The following NCOA1 variants were observed in gnomAD, a reference collection of about 807,000 sequenced individuals.
NCOA1 encodes Hin-2 protein.
Under a neutral mutation model 150.9 loss-of-function variants are expected in NCOA1, and 35 were observed. That is an observed-to-expected ratio of 0.23 (90% CI 0.18 to 0.31). The LOEUF (loss-of-function observed/expected upper bound fraction) is 0.31, where lower values mean the gene tolerates loss of function less well. Ranked by LOEUF, NCOA1 falls within the 10% of genes least tolerant of loss-of-function variation. The probability of loss-of-function intolerance (pLI) is 1.00; values close to 1 mark genes in which losing one functional copy is unlikely to be tolerated. For missense variants in NCOA1, 1,491 were observed against 1,749.3 expected, an observed-to-expected ratio of 0.85 and a Z score of 2.63; for synonymous variants, 590 against 630.0, an observed-to-expected ratio of 0.94 and a Z score of 0.95.
At chr2:24,721,637 A>C (rs925589630) in intron 14 of NCOA1, among the ~76,000 whole-genome samples, 1 of 152,206 alleles carries the variant, frequency 6.6e-6, no homozygotes, top group Non-Finnish European at 1.5e-5. Flanking sequence ...TATGCTCACA[A>C]TTGTAATCCC....
intron 20 of NCOA1, among the ~76,000 whole-genome samples, chr2:24,756,794 A>AT (rs1304793961): frequency 3.3e-5 from 5 of 152,210 alleles, no homozygotes; most frequent in Non-Finnish European, 5.9e-5. Flanking sequence ...GTCAAGTTGA[A>AT]TTCCCATGGA....
intron 2 of NCOA1, among the ~76,000 whole-genome samples, chr2:24,578,319 T>C (rs1457989060): frequency 6.6e-6 from 1 of 151,978 alleles, no homozygotes; most frequent in Non-Finnish European, 1.5e-5. Context: ...CCTTTTTAAA[T>C]TGGAAAAACT....
At chr2:24,542,848 C>T (rs1370128279) in intron 1 of NCOA1, among the ~76,000 whole-genome samples, 2 of 152,108 alleles carry the variant, frequency 1.3e-5, no homozygotes, top group African/African-American at 4.8e-5. Context: ...AATTAGTAAA[C>T]TTGATTTAAC....
intron 1 of NCOA1, among the ~76,000 whole-genome samples, chr2:24,495,659 A>G (rs911546482): frequency 2.0e-5 from 3 of 152,192 alleles, no homozygotes; most frequent in Non-Finnish European, 4.4e-5. Flanking sequence ...GTTTTTCCAG[A>G]GTGATGCTTC....
At chr2:24,698,920 G>T (rs1345461348) in intron 11 of NCOA1, among the ~76,000 whole-genome samples, 1 of 152,012 alleles carries the variant, frequency 6.6e-6, no homozygotes. Context: ...CACAATCCAG[G>T]TATTTCTGGA....
intron 2 of NCOA1, among the ~76,000 whole-genome samples, chr2:24,575,922 T>TA (rs1666935460): frequency 6.6e-6 from 1 of 152,124 alleles, no homozygotes; most frequent in Admixed American, 6.5e-5. Context: ...GGCATGCAGT[T>TA]AAATTTTTTT....
chr2:24,546,258 C>G (rs1399168655), intron 1 of NCOA1, among the ~76,000 whole-genome samples: 2 of 151,046 alleles, frequency 1.3e-5, no homozygotes, highest in Non-Finnish European at 2.9e-5. Flanking sequence ...AGATACAAGA[C>G]AGACTAATGA....
chr2:24,527,649 G>T (rs1214861506), intron 1 of NCOA1, among the ~76,000 whole-genome samples: 1 of 152,134 alleles, frequency 6.6e-6, no homozygotes, highest in Non-Finnish European at 1.5e-5. Context: ...TCTTTACAAG[G>T]TGGTAATTTA....
chr2:24,598,186 T>C (rs1457287072), intron 3 of NCOA1, among the ~76,000 whole-genome samples: 1 of 152,198 alleles, frequency 6.6e-6, no homozygotes, highest in Non-Finnish European at 1.5e-5. Context: ...GCTAAGCTGG[T>C]GTTTGACCAG....
At chr2:24,710,784 GC>G in intron 13 of NCOA1, 146 bp from the exon 14 acceptor site, 1 of 747,556 alleles carries the variant, frequency 1.3e-6, no homozygotes. Context: ...TTTCCAAGTA[GC>G]CCCAATCATT....
intron 3 of NCOA1, among the ~76,000 whole-genome samples, chr2:24,605,029 G>T (rs754644688): frequency 3.3e-5 from 5 of 152,194 alleles, no homozygotes; most frequent in Admixed American, 6.5e-5. Context: ...GGCTGGTTTG[G>T]TGGAACAGTT....
intron 22 of NCOA1, among the ~76,000 whole-genome samples, chr2:24,765,516 C>G (rs552510574): frequency 1.3e-5 from 2 of 150,480 alleles, no homozygotes; most frequent in Non-Finnish European, 3.0e-5. Context: ...AAAAAAAGAT[C>G]GAGGAAATGA....
Position 24,682,953 on chromosome 2 carries a change from T to C in NCOA1, c.357T>C (p.Ala119=), listed in dbSNP as rs1672244408. The change falls in exon 8 of 23, where the codon GCT becomes GCC. Residue 119 remains alanine (A), a splice_region_variant and synonymous_variant. Coordinates refer to ENST00000348332, the MANE Select transcript of NCOA1 (RefSeq NM_003743.5). ...ATTTTTTTCTTTTGGTTTTGCAGGC[T>C]TTGGATGGATTTTTCTTTGTTGTGA... ...KESLGPLLLE[A]LDGFFFVVNC... is the part of the protein sequence containing the mutation. 1.3e-6 allele frequency: 2 copies of C among 1,589,068 alleles called. No homozygotes were observed. Among genetic ancestry groups the C allele is most frequent in the East Asian group, 2.3e-5 (1 of 43,712 alleles).
chr2:24,696,537 G>T (rs1413946946), intron 10 of NCOA1, among the ~76,000 whole-genome samples: 1 of 152,156 alleles, frequency 6.6e-6, no homozygotes, highest in Non-Finnish European at 1.5e-5. Context: ...CACATTGCTG[G>T]TGGAAGCATA....
At chr2:24,650,838 A>G (rs1670680182) in intron 4 of NCOA1, among the ~76,000 whole-genome samples, 1 of 152,116 alleles carries the variant, frequency 6.6e-6, no homozygotes, top group Non-Finnish European at 1.5e-5. Flanking sequence ...GGGGACCAGG[A>G]TTGTTTGATA....
intron 2 of NCOA1, among the ~76,000 whole-genome samples, chr2:24,584,177 A>G (rs183948578): frequency 5.3e-5 from 8 of 152,238 alleles, no homozygotes; most frequent in African/African-American, 1.2e-4. Flanking sequence ...CTAAATGTCA[A>G]TTTTTTAAAA....
At chr2:24,590,498 C>CTCAAA (rs1292055260) in intron 3 of NCOA1, among the ~76,000 whole-genome samples, 4 of 152,040 alleles carry the variant, frequency 2.6e-5, no homozygotes, top group African/African-American at 9.7e-5. Flanking sequence ...TTCAAATCTT[C>CTCAAA]TCAAAATATT....
chr2:24,603,552 G>A (rs1364597482), intron 3 of NCOA1, among the ~76,000 whole-genome samples: 3 of 152,180 alleles, frequency 2.0e-5, no homozygotes, highest in Non-Finnish European at 4.4e-5. Context: ...TTTCACCAAT[G>A]TTCACACAGT....
intron 1 of NCOA1, among the ~76,000 whole-genome samples, chr2:24,507,775 C>G (rs986692381): frequency 1.3e-5 from 2 of 152,040 alleles, no homozygotes; most frequent in Admixed American, 6.5e-5. Flanking sequence ...AACTCAAAGT[C>G]AAATGTGTGT....
Sources: allele counts gnomAD v4.1 joint callset (sites outside exome capture counted in the v4.1 genomes callset), GRCh38; gene constraint gnomAD v4.1.1; transcripts MANE v1.5; gene names NCBI Gene and HGNC (gene_info 2026-07-23, HGNC 2026-07-21).